The following SUGCT variants were observed in gnomAD, a reference collection of about 807,000 sequenced individuals.
SUGCT encodes succinyl-CoA:glutarate-CoA transferase.
SUGCT carries 41 observed loss-of-function variants against 55.0 expected under a neutral mutation model. The observed-to-expected ratio is 0.74, with a 90% CI of 0.58 to 0.97. SUGCT has a LOEUF of 0.97. Ranked by LOEUF, SUGCT falls within the 50% of genes least tolerant of loss-of-function variation. The pLI is 0.00. For missense variants in SUGCT, 568 were observed against 547.8 expected, an observed-to-expected ratio of 1.04 and a Z score of -0.37; for synonymous variants, 187 against 200.4, an observed-to-expected ratio of 0.93 and a Z score of 0.56.
chr7:40,342,068 T>C (rs1452832816), intron 9 of SUGCT, among the ~76,000 whole-genome samples: 1 of 152,210 alleles, frequency 6.6e-6, no homozygotes, highest in Admixed American at 6.5e-5. Flanking sequence ...CATGATGAAG[T>C]CATCCTCCTA....
intron 8 of SUGCT, among the ~76,000 whole-genome samples, chr7:40,309,083 G>GC (rs1562666914): frequency 1.3e-5 from 2 of 152,226 alleles, no homozygotes; most frequent in East Asian, 3.9e-4. Flanking sequence ...CTTCAAAGAG[G>GC]CCTCTACTAA....
rs528397575 is a variant in SUGCT at position 40,486,003 on chromosome 7, T to C, written c.987-10281T>C. Among the ~76,000 whole-genome samples, 8 of 152,334 alleles carry C rather than the reference T, an allele frequency of 5.3e-5. 1 individual carries two copies. In the South Asian group the frequency reaches 1.7e-3, roughly 32 times the overall value. ...TTATTTTTGTGTTTTTGTCTGGTATTGGTATCAGAGTAATGCTGGCCTTGT... is the reference window on the plus strand; with the variant it reads ...TTATTTTTGTGTTTTTGTCTGGTATCGGTATCAGAGTAATGCTGGCCTTGT... On this transcript the variant is annotated intron_variant, in intron 11 of 13. Coordinates refer to ENST00000335693, the MANE Select transcript of SUGCT (RefSeq NM_001193313.2).
At chr7:40,711,106 A>G (rs1366832983) in intron 12 of SUGCT, among the ~76,000 whole-genome samples, 1 of 152,278 alleles carries the variant, frequency 6.6e-6, no homozygotes, top group Non-Finnish European at 1.5e-5. Context: ...AGGGAACAGC[A>G]GTAAGTGAAG....
intron 9 of SUGCT, among the ~76,000 whole-genome samples, chr7:40,347,410 T>G (rs1797374175): frequency 6.6e-6 from 1 of 152,198 alleles, no homozygotes; most frequent in South Asian, 2.1e-4. Flanking sequence ...TGTTTGTTTG[T>G]TTTTAAGACA....
chr7:40,944,459 A>G, the SUGCT span, among the ~76,000 whole-genome samples: 1 of 151,708 alleles, frequency 6.6e-6, no homozygotes, highest in African/African-American at 2.4e-5. Context: ...ATTTTTGTAT[A>G]AGGTGTAAGG....
chr7:40,523,321 G>A (rs1793647383), intron 12 of SUGCT, among the ~76,000 whole-genome samples: 2 of 152,048 alleles, frequency 1.3e-5, no homozygotes, highest in Admixed American at 6.6e-5. Flanking sequence ...ATGAAATTAT[G>A]TATAATTCAA....
At chr7:40,481,945 A>G (rs1053694703) in intron 11 of SUGCT, among the ~76,000 whole-genome samples, 5 of 152,118 alleles carry the variant, frequency 3.3e-5, no homozygotes, top group African/African-American at 7.2e-5. Context: ...CTTTTTGGCA[A>G]TCTTGGAGAT....
chr7:40,514,116 T>C (rs1793099690), intron 12 of SUGCT, among the ~76,000 whole-genome samples: 1 of 151,982 alleles, frequency 6.6e-6, no homozygotes, highest in Admixed American at 6.6e-5. Context: ...ATGCAAACTT[T>C]AGTACAAGTA....
At chr7:40,316,955 G>GTTTTTTTTTTTTTTTTTTTTTTTTTTTTT (rs56989808) in intron 9 of SUGCT, 100 bp downstream of exon 9, 5 of 173,530 alleles carry the variant, frequency 2.9e-5, no homozygotes, top group South Asian at 1.5e-4. Context: ...TCCTTCAGCT[G>GTTTTTTTTTTTTTTTTTTTTTTTTTTTTT]TTTTTTTTTT....
At chr7:40,581,023 G>T (rs1797061515) in intron 12 of SUGCT, among the ~76,000 whole-genome samples, 2 of 152,164 alleles carry the variant, frequency 1.3e-5, no homozygotes, top group Admixed American at 6.6e-5. Flanking sequence ...TTGTAGATTA[G>T]TGTGAAGATG....
intron 11 of SUGCT, among the ~76,000 whole-genome samples, chr7:40,475,903 A>T (rs1790641600): frequency 6.6e-6 from 1 of 152,052 alleles, no homozygotes; most frequent in Non-Finnish European, 1.5e-5. Flanking sequence ...TCAATCCATC[A>T]ATTGATTGTT....
chr7:40,395,248 G>T (rs999252976), intron 9 of SUGCT, among the ~76,000 whole-genome samples: 1 of 152,004 alleles, frequency 6.6e-6, no homozygotes. Flanking sequence ...CAGCATTTTG[G>T]GAGGCTGAGG....
chr7:40,236,704 T>G (rs1562599500), intron 6 of SUGCT, among the ~76,000 whole-genome samples: 1 of 152,178 alleles, frequency 6.6e-6, no homozygotes, highest in Non-Finnish European at 1.5e-5. Flanking sequence ...GAAACCCGGC[T>G]GAGGCATATG....
the SUGCT span, among the ~76,000 whole-genome samples, chr7:40,952,187 C>T: frequency 1.3e-5 from 2 of 152,092 alleles, no homozygotes; most frequent in African/African-American, 4.8e-5. Flanking sequence ...TTGTTGCATT[C>T]ATCCCTTTAC....
At chr7:40,179,443 G>A (rs867914480) in intron 1 of SUGCT, among the ~76,000 whole-genome samples, 17 of 151,998 alleles carry the variant, frequency 1.1e-4, no homozygotes, top group Non-Finnish European at 1.5e-4. Context: ...ACAGGCGTGC[G>A]TCACCATACC....
chr7:40,442,920 T>C (rs902782726), intron 9 of SUGCT, among the ~76,000 whole-genome samples: 9 of 152,186 alleles, frequency 5.9e-5, no homozygotes, highest in African/African-American at 1.7e-4. Context: ...CTCCATCCAA[T>C]GTCCAAGTGT....
intron 12 of SUGCT, among the ~76,000 whole-genome samples, chr7:40,662,355 C>G (rs1047884642): frequency 6.6e-6 from 1 of 152,196 alleles, no homozygotes; most frequent in Non-Finnish European, 1.5e-5. Context: ...CCCATCCTCC[C>G]CACATAGAAG....
the SUGCT span, among the ~76,000 whole-genome samples, chr7:40,949,483 G>A: frequency 6.6e-6 from 1 of 152,116 alleles, no homozygotes; most frequent in South Asian, 2.1e-4. Context: ...GTCAATTTTG[G>A]CTTTTGTTGC....
At chr7:40,252,350 C>T (rs1790486512) in intron 7 of SUGCT, among the ~76,000 whole-genome samples, 1 of 152,080 alleles carries the variant, frequency 6.6e-6, no homozygotes, top group Non-Finnish European at 1.5e-5. Context: ...AACTCCTGGG[C>T]TCAAGCGATC....
Sources: gnomAD v4.1 joint callset for allele counts (sites outside exome capture counted in the v4.1 genomes callset) on GRCh38, gnomAD v4.1.1 for gene constraint, MANE v1.5 for transcripts, NCBI Gene and HGNC (gene_info 2026-07-23, HGNC 2026-07-21) for gene names.